The following WASF1 variants were observed in gnomAD, a reference collection of about 807,000 sequenced individuals.
WASF1 encodes the protein actin-binding protein WASF1.
In WASF1, 7 loss-of-function variants were observed where a neutral mutation model predicts 50.5. That is an observed-to-expected ratio of 0.14 (90% CI 0.08 to 0.26). The LOEUF (loss-of-function observed/expected upper bound fraction) is 0.26. Ranked by LOEUF, WASF1 falls within the 10% of genes least tolerant of loss-of-function variation. The pLI is 1.00. For missense variants in WASF1, 470 were observed against 694.7 expected (o/e 0.68, Z 3.64); for synonymous variants, 205 against 244.0 (o/e 0.84, Z 1.49).
intron 2 of WASF1, among the ~76,000 whole-genome samples, chr6:110,173,520 T>C (rs1776803007): frequency 6.6e-6 from 1 of 152,184 alleles, no homozygotes; most frequent in Non-Finnish European, 1.5e-5. Flanking sequence ...CCATGTGACC[T>C]TGAGCAAATT....
At chr6:110,129,062 C>T (rs1294338768) in intron 3 of WASF1, among the ~76,000 whole-genome samples, 2 of 151,998 alleles carry the variant, frequency 1.3e-5, no homozygotes, top group African/African-American at 4.8e-5. Context: ...AAGGAGACTG[C>T]TGCTCTAGTC....
At chr6:110,159,760 T>C (rs1172586815) in intron 3 of WASF1, among the ~76,000 whole-genome samples, 1 of 151,908 alleles carries the variant, frequency 6.6e-6, no homozygotes, top group African/African-American at 2.4e-5. Context: ...CATATATACC[T>C]TATACACATG....
intron 2 of WASF1, among the ~76,000 whole-genome samples, chr6:110,162,233 G>A (rs1273642410): frequency 6.6e-6 from 1 of 151,252 alleles, no homozygotes; most frequent in Non-Finnish European, 1.5e-5. Context: ...CTCTCCTACT[G>A]TTTGGTAGAC....
chr6:110,161,666 T>G (rs990712921), intron 2 of WASF1, among the ~76,000 whole-genome samples: 4 of 151,602 alleles, frequency 2.6e-5, no homozygotes, highest in Admixed American at 1.3e-4. Flanking sequence ...AATCACCCAT[T>G]CCTTGCCATT....
intron 5 of WASF1, among the ~76,000 whole-genome samples, chr6:110,112,894 C>CA (rs1229766023): frequency 0.094 from 7,107 of 75,270 alleles, 536 homozygotes; most frequent in African/African-American, 0.25. Flanking sequence ...GTGTCTGTCT[C>CA]AAAAAAAAAA....
intron 4 of WASF1, among the ~76,000 whole-genome samples, chr6:110,117,539 G>A (rs1173089865): frequency 6.6e-6 from 1 of 152,176 alleles, no homozygotes; most frequent in Non-Finnish European, 1.5e-5. Context: ...ATGTTTGACT[G>A]GTGTACCAGA....
chr6:110,104,646 G>A (rs1449708015), intron 8 of WASF1, among the ~76,000 whole-genome samples: 2 of 152,082 alleles, frequency 1.3e-5, no homozygotes, highest in East Asian at 1.9e-4. Context: ...AAAATTAGCT[G>A]GGCGTGGTGG....
chr6:110,150,833 C>G lies in WASF1; in HGVS notation c.-29+9802G>C, dbSNP rs568804303. 2.2e-4 allele frequency among the ~76,000 whole-genome samples: 33 copies of G among 151,990 alleles called. No individual in the cohort carries two copies. The Middle Eastern group carries it at 0.01, about 47-fold the overall frequency. On this transcript the variant is annotated intron_variant, in intron 3 of 10. Coordinates refer to ENST00000392589, the MANE Select transcript of WASF1 (RefSeq NM_003931.3). Reference sequence around the variant, plus strand: ...GGCAGATCACCTTACATCAGGAGTTCGAGACCAGCCTGGCTAACATGGTAA... The same window carrying G: ...GGCAGATCACCTTACATCAGGAGTTGGAGACCAGCCTGGCTAACATGGTAA...
intron 2 of WASF1, among the ~76,000 whole-genome samples, chr6:110,164,835 C>CTT: frequency 6.6e-6 from 1 of 151,604 alleles, no homozygotes; most frequent in South Asian, 2.1e-4. Context: ...AAGTGTGGTA[C>CTT]ACCCAAATAA....
At chr6:110,134,422 C>CCTT (rs749897488) in intron 3 of WASF1, among the ~76,000 whole-genome samples, 1 of 144,930 alleles carries the variant, frequency 6.9e-6, no homozygotes, top group African/African-American at 2.5e-5. Context: ...TCTATGTGCC[C>CCTT]TTTTTTTTTT....
intron 10 of WASF1, 37 bp downstream of exon 10, chr6:110,101,551 A>G (rs754103078): frequency 1.3e-6 from 2 of 1,566,824 alleles, no homozygotes; most frequent in South Asian, 2.4e-5. Context: ...TTCCAATGCT[A>G]CTATAGCAAT....
At chr6:110,119,882 C>G (rs1220761131) in intron 4 of WASF1, among the ~76,000 whole-genome samples, 1 of 152,128 alleles carries the variant, frequency 6.6e-6, no homozygotes, top group Non-Finnish European at 1.5e-5. Context: ...AAGGCTGGTT[C>G]AACATATGCA....
chr6:110,140,258 G>A (rs1367689850), intron 3 of WASF1, among the ~76,000 whole-genome samples: 1 of 152,182 alleles, frequency 6.6e-6, no homozygotes, highest in Non-Finnish European at 1.5e-5. Flanking sequence ...AACACATGGA[G>A]GTTCCTGGAA....
chr6:110,122,267 A>G (rs1774175302), intron 4 of WASF1, among the ~76,000 whole-genome samples: 1 of 151,044 alleles, frequency 6.6e-6, no homozygotes, highest in Non-Finnish European at 1.5e-5. Context: ...GACATAGAAG[A>G]AGTGGTGTCA....
intron 3 of WASF1, among the ~76,000 whole-genome samples, chr6:110,136,382 T>C (rs1774969357): frequency 1.3e-5 from 2 of 152,220 alleles, no homozygotes; most frequent in Admixed American, 6.5e-5. Context: ...CATTTTGTTA[T>C]TGGTGGTTGC....
At chr6:110,115,656 T>C (rs1007798009) in intron 4 of WASF1, among the ~76,000 whole-genome samples, 1 of 152,202 alleles carries the variant, frequency 6.6e-6, no homozygotes, top group African/African-American at 2.4e-5. Context: ...TCATTACACA[T>C]GGTATTCTGT....
chr6:110,124,490 C>T lies in WASF1; in HGVS notation c.133+2979G>A, dbSNP rs573601801. Among the ~76,000 whole-genome samples the T allele has an allele frequency of 2.0e-5, 3 of 151,042 alleles. No homozygotes were observed. In the South Asian group the frequency reaches 6.3e-4, roughly 32 times the overall value. Reference sequence around the variant, plus strand: ...CCTAGCTCAGCTAAGGAGTAAAAAACCTTGCATCATTAAGAAAGCAATAAA... The same window carrying T: ...CCTAGCTCAGCTAAGGAGTAAAAAATCTTGCATCATTAAGAAAGCAATAAA... On this transcript the variant is annotated intron_variant, in intron 4 of 10. Coordinates refer to ENST00000392589, the MANE Select transcript of WASF1 (RefSeq NM_003931.3).
At chr6:110,134,545 C>T (rs1276424037) in intron 3 of WASF1, among the ~76,000 whole-genome samples, 2 of 151,996 alleles carry the variant, frequency 1.3e-5, no homozygotes, top group Admixed American at 1.3e-4. Flanking sequence ...CTGCCTCAGC[C>T]TCCTGAGTAG....
intron 4 of WASF1, among the ~76,000 whole-genome samples, chr6:110,115,713 T>A (rs1017646787): frequency 1.3e-5 from 2 of 152,134 alleles, no homozygotes; most frequent in Non-Finnish European, 2.9e-5. Flanking sequence ...GAGAACATCA[T>A]GAAAGTTTGG....
Sources: allele counts gnomAD v4.1 joint callset (sites outside exome capture counted in the v4.1 genomes callset), GRCh38; gene constraint gnomAD v4.1.1; transcripts MANE v1.5; gene names NCBI Gene and HGNC (gene_info 2026-07-23, HGNC 2026-07-21).